The following DUSP18 variants were observed in gnomAD, a reference collection of about 807,000 sequenced individuals.
DUSP18 encodes dual specificity protein phosphatase 18.
Under a neutral mutation model 6.3 loss-of-function variants are expected in DUSP18, and 4 were observed. That is an observed-to-expected ratio of 0.63 (90% confidence interval 0.31 to 1.45). The LOEUF is 1.45. Among genes scored for constraint, DUSP18 ranks in the 40% most tolerant of loss-of-function variants. The pLI, the probability that DUSP18 is intolerant of heterozygous loss-of-function variation, is 0.07. For synonymous variants in DUSP18, 96 were observed against 95.1 expected, an observed-to-expected ratio of 1.01 and a Z score of -0.05; for missense variants, 235 against 247.7, an observed-to-expected ratio of 0.95 and a Z score of 0.34.
At chr22:30,665,902 C>A (rs924992888) in intron 1 of DUSP18, among the ~76,000 whole-genome samples, 8 of 147,672 alleles carry the variant, frequency 5.4e-5, no homozygotes, top group Admixed American at 1.3e-4. Flanking sequence ...AGAATGAGTT[C>A]TCTGGCAGCG....
intron 2 of DUSP18, among the ~76,000 whole-genome samples, chr22:30,654,985 A>C (rs1438744081): frequency 6.6e-6 from 1 of 152,154 alleles, no homozygotes; most frequent in Non-Finnish European, 1.5e-5. Context: ...AGCCCAAAGA[A>C]TAGAAAGAAC....
downstream of DUSP18, among the ~76,000 whole-genome samples, chr22:30,659,479 T>G (rs1268455552): frequency 6.6e-6 from 1 of 152,088 alleles, no homozygotes; most frequent in East Asian, 1.9e-4. Flanking sequence ...GTTCAAGCGA[T>G]TCTTCCGCCT....
At chr22:30,659,394 A>G (rs2088414699), downstream of DUSP18, among the ~76,000 whole-genome samples, 1 of 151,884 alleles carries the variant, frequency 6.6e-6, no homozygotes, top group South Asian at 2.1e-4. Flanking sequence ...TTTTTTTGAG[A>G]TGGAGTTTCA....
chr22:30,655,412 A>G (rs897325026), intron 2 of DUSP18, among the ~76,000 whole-genome samples: 4 of 146,454 alleles, frequency 2.7e-5, no homozygotes, highest in African/African-American at 1.0e-4. Context: ...ACTCTGGGTA[A>G]CAGAGTGAGA....
At chr22:30,664,131 C>A in intron 1 of DUSP18, 51 bp from the exon 2 acceptor site, 1 of 817,278 alleles carries the variant, frequency 1.2e-6, no homozygotes, top group Admixed American at 2.6e-5. Context: ...AGGGCCAATT[C>A]CAGGGGATCC....
Position 30,661,451 on chromosome 22 carries a change from T to TC in DUSP18, c.*1985_*1986insG. The TC allele has an allele frequency of 6.7e-6, 1 of 149,512 alleles. No homozygotes were observed. The highest frequency in any genetic ancestry group is 2.0e-4 in the East Asian group (1 of 5,124). The allele number at this position is 149,512 out of a possible 1,614,324, so 9.3% of individuals were successfully genotyped here. The stretch of plus-strand genomic sequence containing the variant: ...TTTTTTTCTTTTCTTTTTCTTTTTT[T>TC]TTTTTTTTCTTTTTGAGATGGAGTC... On this transcript the variant is annotated 3_prime_UTR_variant, in exon 2 of 2. Transcript: ENST00000334679.
chr22:30,666,289 G>A (rs748339688), intron 1 of DUSP18, among the ~76,000 whole-genome samples: 1 of 152,092 alleles, frequency 6.6e-6, no homozygotes, highest in African/African-American at 2.4e-5. Flanking sequence ...TGCAGGTGAG[G>A]GTAGTGATGC....
rs905248618 is a variant in DUSP18, at chr22:30,665,969, TAA to T, written c.-78+1491_-78+1492del. Among the ~76,000 whole-genome samples the T allele has an allele frequency of 6.6e-5, 10 of 152,262 alleles. No individual in the cohort carries two copies. In the South Asian group the frequency reaches 1.0e-3, roughly 16 times the overall value. On this transcript the variant is annotated intron_variant, in intron 1 of 1. Transcript: ENST00000334679. Reference sequence around the variant, plus strand: ...GGGATGGGGGTGGTTCTGAGGCTACTAAAGAGAAAGACCAAAGGTTGTATAGG... The same window carrying T: ...GGGATGGGGGTGGTTCTGAGGCTACTAGAGAAAGACCAAAGGTTGTATAGG...
intron 2 of DUSP18, chr22:30,654,230 C>T (rs1044152754): frequency 5.5e-6 from 2 of 361,674 alleles, no homozygotes; most frequent in African/African-American, 2.1e-5. Flanking sequence ...CTGATCTGCC[C>T]GCCTCCGCCT....
At chr22:30,666,094 A>C (rs2088646475) in intron 1 of DUSP18, among the ~76,000 whole-genome samples, 1 of 152,224 alleles carries the variant, frequency 6.6e-6, no homozygotes, top group Non-Finnish European at 1.5e-5. Flanking sequence ...ATGAAGGGCA[A>C]AGAAAAAGCC....
chr22:30,658,636 G>T (rs928732177), downstream of DUSP18, among the ~76,000 whole-genome samples: 1 of 152,018 alleles, frequency 6.6e-6, no homozygotes, highest in Non-Finnish European at 1.5e-5. Flanking sequence ...AAAATGAGGG[G>T]TCTTGAAAGC....
rs575797528 is a variant in DUSP18, at chr22:30,666,546, C to T, written c.-78+916G>A. Among the ~76,000 whole-genome samples the T allele has an allele frequency of 2.5e-4, 35 of 138,906 alleles. No individual in the cohort carries two copies. The South Asian group carries it at 3.8e-3, about 15-fold the overall frequency. 91.1% of individuals were successfully genotyped at this position (138,906 alleles called of 152,430 possible). A position where few individuals can be genotyped will look rare whatever the true frequency, so the allele number is the denominator to read the frequency against. On this transcript the variant is annotated intron_variant, in intron 1 of 1. Transcript: ENST00000334679. The stretch of plus-strand genomic sequence containing the variant: ...CTGAGACGGGAGAATTGCTTGAACC[C>T]GGGAGGCGGAGGCTGCAGTGAGCCA...
intron 1 of DUSP18, chr22:30,665,028 G>C (rs2088597444): frequency 1.3e-5 from 2 of 152,698 alleles, no homozygotes; most frequent in Admixed American, 1.3e-4. Flanking sequence ...CCGCGCCGCA[G>C]ACCGTGCAGT....
chr22:30,658,337 G>C (rs2088387708), downstream of DUSP18, among the ~76,000 whole-genome samples: 1 of 150,546 alleles, frequency 6.6e-6, no homozygotes, highest in African/African-American at 2.4e-5. Flanking sequence ...CCAGGAGTTT[G>C]AGACCAGCCT....
At chr22:30,652,126 T>G (rs1040744419) in exon 3 of DUSP18, 1 of 152,252 alleles carries the variant, frequency 6.6e-6, no homozygotes, top group East Asian at 1.9e-4. Context: ...TAAGGACAAC[T>G]TGGTGGGTTG....
chr22:30,657,709 C>A (rs952207383), downstream of DUSP18, among the ~76,000 whole-genome samples: 11 of 151,354 alleles, frequency 7.3e-5, no homozygotes, highest in African/African-American at 2.7e-4. Flanking sequence ...TCGAGACAAT[C>A]CTGGCTAACA....
At chr22:30,661,177 G>A (rs373586186), downstream of DUSP18, among the ~76,000 whole-genome samples, 9 of 151,646 alleles carry the variant, frequency 5.9e-5, 1 homozygote, top group Admixed American at 3.9e-4. Flanking sequence ...TGAGCAATTG[G>A]AAAAAAAATC....
chr22:30,655,429 C>CAAAAAAAAAAAAAAAAA (rs5844917), intron 2 of DUSP18, among the ~76,000 whole-genome samples: 2 of 111,648 alleles, frequency 1.8e-5, no homozygotes, highest in Middle Eastern at 4.2e-3. Context: ...GAGATCCTAC[C>CAAAAAAAAAAAAAAAAA]AAAAAAAAAA....
intron 2 of DUSP18, chr22:30,654,270 C>G (rs1261725569): frequency 9.3e-6 from 4 of 432,316 alleles, no homozygotes; most frequent in African/African-American, 6.1e-5. Flanking sequence ...AGGCGTGAGC[C>G]ACCGCGCCCG....
Sources: allele counts gnomAD v4.1 joint callset (sites outside exome capture counted in the v4.1 genomes callset), GRCh38; gene constraint gnomAD v4.1.1; transcripts MANE v1.5; gene names NCBI Gene and HGNC (gene_info 2026-07-23, HGNC 2026-07-21).